Variants in TMPPE observed in about 807,000 individuals in gnomAD.
The protein encoded by TMPPE is transmembrane protein with metallophosphoesterase domain.
A neutral mutation model predicts 22.6 loss-of-function variants in TMPPE; 16 were observed. The ratio of observed to expected loss-of-function variants is 0.71; its 90% confidence interval spans 0.48 to 1.08. The LOEUF (loss-of-function observed/expected upper bound fraction) is 1.08, where lower values mean the gene tolerates loss of function less well. Ranked by LOEUF, TMPPE falls within the 50% of genes least tolerant of loss-of-function variation. The pLI is 0.00. For missense variants in TMPPE, 526 were observed against 584.3 expected (o/e 0.90, Z 1.03); for synonymous variants, 240 against 245.3 (o/e 0.98, Z 0.20).
In TMPPE at chr3:33,091,910, C is replaced by G; in HGVS notation, c.*924G>C. On this transcript the variant is annotated 3_prime_UTR_variant, in exon 2 of 2. Transcript: ENST00000342462. ...GGATCTATTGCTTCTGGCAAAAGGG[C>G]AAAAGCACCGCTTTTACTGGGAGGT... 2.0e-6 allele frequency: 2 copies of G among 985,458 alleles called. No individual in the cohort carries two copies. Among genetic ancestry groups the G allele is most frequent in the Non-Finnish European group, 2.4e-6 (2 of 829,954 alleles). 61.0% of individuals were successfully genotyped at this position (985,458 alleles called of 1,614,324 possible). A position where few individuals can be genotyped will look rare whatever the true frequency, so the allele number is the denominator to read the frequency against.
chr3:33,096,690 A>G, intron 1 of TMPPE, 29 bp downstream of exon 1: 2 of 1,166,362 alleles, frequency 1.7e-6, no homozygotes, highest in African/African-American at 3.3e-5. Flanking sequence ...CCCTCCCGGA[A>G]AGCCAACTTA....
chr3:33,092,720 G>C lies in TMPPE; in HGVS notation c.*114C>G. The stretch of plus-strand genomic sequence containing the variant: ...TTGAGTCAGGCTTGTGACCAAGGGT[G>C]TGTAGGCAAGGATGAGTGGGCAAGG... On this transcript the variant is annotated 3_prime_UTR_variant, in exon 2 of 2. Transcript: ENST00000342462. 1 of 1,483,434 alleles carries C rather than the reference G, an allele frequency of 6.7e-7. No homozygotes were observed. The highest frequency in any genetic ancestry group is 2.3e-5 in the East Asian group (1 of 43,074). The allele number at this position is 1,483,434 out of a possible 1,614,324, so 91.9% of individuals were successfully genotyped here. A position where few individuals can be genotyped will look rare whatever the true frequency, so the allele number is the denominator to read the frequency against.
At position 33,092,315 on chromosome 3, in the gene TMPPE, C is replaced by T. The variant is rs1700798317; in HGVS notation, c.*519G>A. 1 of 987,104 alleles carries T rather than the reference C, an allele frequency of 1.0e-6. No homozygotes were observed. The highest frequency in any genetic ancestry group is 1.7e-5 in the African/African-American group (1 of 57,258). 61.1% of individuals were successfully genotyped at this position (987,104 alleles called of 1,614,324 possible). A position where few individuals can be genotyped will look rare whatever the true frequency, so the allele number is the denominator to read the frequency against. ...TCAGAGGAAAAGAAAATATTCTTCTCTAGCAGCCAGAGGGCCCTTCCATCT... is the reference window on the plus strand; with the variant it reads ...TCAGAGGAAAAGAAAATATTCTTCTTTAGCAGCCAGAGGGCCCTTCCATCT... On this transcript the variant is annotated 3_prime_UTR_variant, in exon 2 of 2. Coordinates refer to ENST00000342462, the MANE Select transcript of TMPPE (RefSeq NM_001039770.3).
At position 33,092,068 on chromosome 3, in the gene TMPPE, T is replaced by G; in HGVS notation, c.*766A>C. The G allele has an allele frequency of 1.0e-6, 1 of 985,322 alleles. No individual in the cohort carries two copies. The highest frequency in any genetic ancestry group is 1.7e-5 in the African/African-American group (1 of 57,296). 61.0% of individuals were successfully genotyped at this position (985,322 alleles called of 1,614,324 possible). Reference sequence around the variant, plus strand: ...TGTCCCCAGTGAGCTCCCCGAAGGGTTGTATAAAATGAGACAAGGGAGGCA... The same window carrying G: ...TGTCCCCAGTGAGCTCCCCGAAGGGGTGTATAAAATGAGACAAGGGAGGCA... On this transcript the variant is annotated 3_prime_UTR_variant, in exon 2 of 2. Coordinates refer to ENST00000342462, the MANE Select transcript of TMPPE (RefSeq NM_001039770.3).
chr3:33,096,405 C>G lies in TMPPE; in HGVS notation c.-109+314G>C, dbSNP rs868781310. The G allele has an allele frequency of 1.4e-5, 14 of 973,364 alleles. No homozygotes were observed. The South Asian group carries it at 1.9e-4, about 13-fold the overall frequency. The allele number at this position is 973,364 out of a possible 1,614,324, so 60.3% of individuals were successfully genotyped here. A position where few individuals can be genotyped will look rare whatever the true frequency, so the allele number is the denominator to read the frequency against. ...CCCCGGCAGCCTGCCTATTCCCCCCCTCAACCTGGACCCCCAAACGCCGAA... is the reference window on the plus strand; with the variant it reads ...CCCCGGCAGCCTGCCTATTCCCCCCGTCAACCTGGACCCCCAAACGCCGAA... On this transcript the variant is annotated intron_variant, in intron 1 of 1. Coordinates refer to ENST00000342462, the MANE Select transcript of TMPPE (RefSeq NM_001039770.3).
At chr3:33,096,541 A>T in intron 1 of TMPPE, 178 bp downstream of exon 1, 1 of 985,068 alleles carries the variant, frequency 1.0e-6, no homozygotes, top group African/African-American at 1.7e-5. Context: ...GAGGGGAAAT[A>T]ACCCAATGTT....
chr3:33,093,024 T>G lies in TMPPE; in HGVS notation c.1172A>C (p.His391Pro). The G allele has an allele frequency of 6.2e-7, 1 of 1,614,222 alleles. No homozygotes were observed. Among genetic ancestry groups the G allele is most frequent in the African/African-American group, 1.3e-5 (1 of 75,056 alleles). ...GGGGAAGATCTGCCCAGCATGTGTGTGCCCAGAAAGGATCAGGTTAATATC... is the reference window on the plus strand; with the variant it reads ...GGGGAAGATCTGCCCAGCATGTGTGGGCCCAGAAAGGATCAGGTTAATATC... ...RPDINLILSG[H>P]THAGQIFPLN... is the part of the protein sequence containing the mutation. Residue 391 changes from histidine to proline, a missense_variant, in exon 2 of 2, where the codon CAC becomes CCC. Coordinates refer to ENST00000342462, the MANE Select transcript of TMPPE (RefSeq NM_001039770.3). This position sits in a 1 kb window ranked among gnomAD's most constrained non-coding sequence, Gnocchi z 6.0.
At position 33,091,920 on chromosome 3, in the gene TMPPE, G is replaced by T; in HGVS notation, c.*914C>A. On this transcript the variant is annotated 3_prime_UTR_variant, in exon 2 of 2. Transcript: ENST00000342462. ...CTTCTGGCAAAAGGGCAAAAGCACC[G>T]CTTTTACTGGGAGGTACAAGACCTG... is the stretch of plus-strand genomic sequence containing the variant. 5.1e-6 allele frequency: 5 copies of T among 985,406 alleles called. No individual in the cohort carries two copies. The highest frequency in any genetic ancestry group is 6.0e-6 in the Non-Finnish European group (5 of 829,932). 61.0% of individuals were successfully genotyped at this position (985,406 alleles called of 1,614,324 possible).
chr3:33,092,789 G>A lies in TMPPE; in HGVS notation c.*45C>T. The A allele has an allele frequency of 6.5e-7, 1 of 1,537,086 alleles. No homozygotes were observed. The highest frequency in any genetic ancestry group is 8.8e-7 in the Non-Finnish European group (1 of 1,141,882). ...CAAACCACTCTGAAGCAGGATGGAG[G>A]GTCGAGGACAAGGGCAGGGCAGAGG... On this transcript the variant is annotated 3_prime_UTR_variant, in exon 2 of 2. Coordinates refer to ENST00000342462, the MANE Select transcript of TMPPE (RefSeq NM_001039770.3).
In TMPPE at chr3:33,091,988, G is replaced by C; in HGVS notation, c.*846C>G. ...TCCTACATATCTTGTCATACTGCCT[G>C]TGCCCTATCTCTCTTTGCCTTGGTT... On this transcript the variant is annotated 3_prime_UTR_variant, in exon 2 of 2. Coordinates refer to ENST00000342462, the MANE Select transcript of TMPPE (RefSeq NM_001039770.3). The C allele has an allele frequency of 1.0e-6, 1 of 983,478 alleles. No homozygotes were observed. Among genetic ancestry groups the C allele is most frequent in the Middle Eastern group, 5.2e-4 (1 of 1,914 alleles). The allele number at this position is 983,478 out of a possible 1,614,324, so 60.9% of individuals were successfully genotyped here.
In TMPPE at chr3:33,092,653, A is replaced by G; in HGVS notation, c.*181T>C. 1.4e-6 allele frequency: 2 copies of G among 1,381,384 alleles called. No homozygotes were observed. Among genetic ancestry groups the G allele is most frequent in the Non-Finnish European group, 1.9e-6 (2 of 1,068,920 alleles). The allele number at this position is 1,381,384 out of a possible 1,614,324, so 85.6% of individuals were successfully genotyped here. ...AGCAACTGGCCAAGGAAATAGTTAA[A>G]CCAGCCTGAACATGCCAGGCAGGCC... On this transcript the variant is annotated 3_prime_UTR_variant, in exon 2 of 2. Coordinates refer to ENST00000342462, the MANE Select transcript of TMPPE (RefSeq NM_001039770.3).
Position 33,092,071 on chromosome 3 carries a change from T to C in TMPPE, c.*763A>G. ...CCCCAGTGAGCTCCCCGAAGGGTTG[T>C]ATAAAATGAGACAAGGGAGGCAAAG... is the stretch of plus-strand genomic sequence containing the variant. On this transcript the variant is annotated 3_prime_UTR_variant, in exon 2 of 2. Transcript: ENST00000342462. The C allele has an allele frequency of 1.0e-6, 1 of 985,506 alleles. No individual in the cohort carries two copies. The highest frequency in any genetic ancestry group is 1.2e-6 in the Non-Finnish European group (1 of 830,008). 61.0% of individuals were successfully genotyped at this position (985,506 alleles called of 1,614,324 possible).
rs1263078988 is a variant in TMPPE at position 33,094,306 on chromosome 3, GC to G, written c.-108-4del. On this transcript the variant is annotated splice_polypyrimidine_tract_variant and splice_region_variant and intron_variant, in intron 1 of 1. Transcript: ENST00000342462. ...AGAGGTTTCCAGGTCAACTCCGCCT[GC>G]AACCAGGAACCAGCATCAGCTTTGT... is the stretch of plus-strand genomic sequence containing the variant. 2.1e-5 allele frequency: 32 copies of G among 1,489,502 alleles called. No homozygotes were observed. 92.3% of individuals were successfully genotyped at this position (1,489,502 alleles called of 1,614,324 possible). A position where few individuals can be genotyped will look rare whatever the true frequency, so the allele number is the denominator to read the frequency against.
In TMPPE at chr3:33,096,976, C is replaced by G; in HGVS notation, c.-366G>C. ...GGTTCCCCGCCAGCCTGTCCCCTAG[C>G]AATGCCTCCCCGTACCCGGGTCCCG... On this transcript the variant is annotated 5_prime_UTR_variant, in exon 1 of 2. Coordinates refer to ENST00000342462, the MANE Select transcript of TMPPE (RefSeq NM_001039770.3). 6.2e-7 allele frequency: 1 copy of G among 1,607,480 alleles called. No individual in the cohort carries two copies. Among genetic ancestry groups the G allele is most frequent in the Admixed American group, 1.7e-5 (1 of 59,236 alleles).
At position 33,093,110 on chromosome 3, in the gene TMPPE, GT is replaced by G; in HGVS notation, c.1085del (p.His362ProfsTer6). 6.2e-7 allele frequency: 1 copy of G among 1,614,224 alleles called. No individual in the cohort carries two copies. Among genetic ancestry groups the G allele is most frequent in the Non-Finnish European group, 8.5e-7 (1 of 1,180,040 alleles). On this transcript the variant is annotated frameshift_variant, in exon 2 of 2. Transcript: ENST00000342462. LOFTEE classifies it high-confidence loss of function. The surrounding 1 kb of genome is among the most constrained non-coding windows in gnomAD (Gnocchi z 6.0). ...DKALEGCSPDHTIILLAHQPL... is the reference protein window; with the variant it reads ...DKALEGCSPDXTIILLAHQPL... Reference sequence around the variant, plus strand: ...GCTGGTGAGCTAGCAAGATGATTGTGTGGTCTGGGCTGCAGCCCTCCAGGGC... The same window carrying G: ...GCTGGTGAGCTAGCAAGATGATTGTGGGTCTGGGCTGCAGCCCTCCAGGGC...
At position 33,091,207 on chromosome 3, in the gene TMPPE, C is replaced by T. The variant is rs201587522; in HGVS notation, c.*1627G>A. 46 of 985,370 alleles carry T rather than the reference C, an allele frequency of 4.7e-5. No homozygotes were observed. The East Asian group carries it at 3.6e-3, about 78-fold the overall frequency. 61.0% of individuals were successfully genotyped at this position (985,370 alleles called of 1,614,324 possible). A position where few individuals can be genotyped will look rare whatever the true frequency, so the allele number is the denominator to read the frequency against. ...AGAGAAAAAAGAATAAGGAAACCAC[C>T]AAAATTTCAACTCAAAGATACATTT... On this transcript the variant is annotated 3_prime_UTR_variant, in exon 2 of 2. Coordinates refer to ENST00000342462, the MANE Select transcript of TMPPE (RefSeq NM_001039770.3).
Position 33,091,724 on chromosome 3 carries a change from C to T in TMPPE, c.*1110G>A, listed in dbSNP as rs566052961. On this transcript the variant is annotated 3_prime_UTR_variant, in exon 2 of 2. Transcript: ENST00000342462. ...CACCCAACGCTGCCCTATGAGTGAGCAGCAGGGTTAGCCTCTCCAGTCAGA... is the reference window on the plus strand; with the variant it reads ...CACCCAACGCTGCCCTATGAGTGAGTAGCAGGGTTAGCCTCTCCAGTCAGA... The T allele has an allele frequency of 4.9e-5, 48 of 985,384 alleles. No individual in the cohort carries two copies. The African/African-American group carries it at 7.7e-4, about 16-fold the overall frequency. 61.0% of individuals were successfully genotyped at this position (985,384 alleles called of 1,614,324 possible).
At position 33,090,700 on chromosome 3, in the gene TMPPE, G is replaced by C. The variant is rs1385959883; in HGVS notation, c.*2134C>G. 10 of 985,422 alleles carry C rather than the reference G, an allele frequency of 1.0e-5. No homozygotes were observed. The highest frequency in any genetic ancestry group is 1.1e-5 in the Non-Finnish European group (9 of 829,936). 61.0% of individuals were successfully genotyped at this position (985,422 alleles called of 1,614,324 possible). A position where few individuals can be genotyped will look rare whatever the true frequency, so the allele number is the denominator to read the frequency against. On this transcript the variant is annotated 3_prime_UTR_variant, in exon 2 of 2. Coordinates refer to ENST00000342462, the MANE Select transcript of TMPPE (RefSeq NM_001039770.3). ...ACCTGCCCACCAGGGCCAGAATCTG[G>C]ACAGTGATGGAGAAATTTCTGCTGC...
At position 33,090,687 on chromosome 3, in the gene TMPPE, G is replaced by A. The variant is rs575286004; in HGVS notation, c.*2147C>T. 1,426 of 985,432 alleles carry A rather than the reference G, an allele frequency of 1.4e-3. No homozygotes were observed. Among genetic ancestry groups the A allele is most frequent in the Non-Finnish European group, 1.6e-3 (1,346 of 829,930 alleles). The allele number at this position is 985,432 out of a possible 1,614,324, so 61.0% of individuals were successfully genotyped here. On this transcript the variant is annotated 3_prime_UTR_variant, in exon 2 of 2. Transcript: ENST00000342462. ...AGGTGTCATGGAGACCTGCCCACCA[G>A]GGCCAGAATCTGGACAGTGATGGAG...
Sources: gnomAD v4.1 joint callset for allele counts on GRCh38, gnomAD v4.1.1 for gene constraint, Gnocchi (gnomAD v3.1) non-coding constraint, MANE v1.5 for transcripts, NCBI Gene and HGNC (gene_info 2026-07-23, HGNC 2026-07-21) for gene names.